GRIA4: variants seen among roughly 807,000 people sequenced by gnomAD.
GRIA4 encodes glutamate ionotropic receptor AMPA type subunit 4.
A neutral mutation model predicts 104.0 loss-of-function variants in GRIA4; 34 were observed. The ratio of observed to expected loss-of-function variants is 0.33; its 90% CI spans 0.25 to 0.44. The LOEUF is 0.44. GRIA4 is among the 20% of genes least tolerant of loss of function. The probability of loss-of-function intolerance (pLI) is 1.00; values close to 1 mark genes in which losing one functional copy is unlikely to be tolerated. For missense variants in GRIA4, 750 were observed against 1,096.5 expected, an observed-to-expected ratio of 0.68 and a Z score of 4.46; for synonymous variants, 386 against 381.9, an observed-to-expected ratio of 1.01 and a Z score of -0.13.
At chr11:105,849,827 C>G (rs549777181) in intron 4 of GRIA4, among the ~76,000 whole-genome samples, 1 of 152,102 alleles carries the variant, frequency 6.6e-6, no homozygotes. Context: ...TAAAAAACAA[C>G]CCTAGGATTC....
chr11:105,806,952 A>C (rs1457458171), intron 4 of GRIA4, among the ~76,000 whole-genome samples: 1 of 151,878 alleles, frequency 6.6e-6, no homozygotes, highest in Non-Finnish European at 1.5e-5. Context: ...AAGACAAAGG[A>C]AATATAGAAG....
chr11:105,667,979 C>G, intron 3 of GRIA4, among the ~76,000 whole-genome samples: 1 of 151,340 alleles, frequency 6.6e-6, no homozygotes, highest in East Asian at 1.9e-4. Context: ...AATCTTGTGC[C>G]CTTTGACTAA....
At chr11:105,839,884 C>A (rs1434623564) in intron 4 of GRIA4, among the ~76,000 whole-genome samples, 1 of 151,828 alleles carries the variant, frequency 6.6e-6, no homozygotes, top group Admixed American at 6.6e-5. Flanking sequence ...ATATTGTTAA[C>A]CATAATAAAC....
chr11:105,655,380 G>A (rs1335307828), intron 3 of GRIA4, among the ~76,000 whole-genome samples: 1 of 152,044 alleles, frequency 6.6e-6, no homozygotes, highest in East Asian at 1.9e-4. Context: ...GGATACATGT[G>A]CAGAATGTGC....
chr11:105,772,224 C>T (rs72983202), intron 4 of GRIA4, among the ~76,000 whole-genome samples: 1,695 of 152,214 alleles, frequency 0.011, 9 homozygotes, highest in Non-Finnish European at 0.018. Context: ...TTAGTGAATA[C>T]CATAAACCCT....
intron 10 of GRIA4, among the ~76,000 whole-genome samples, chr11:105,916,599 T>C (rs543583263): frequency 2.1e-4 from 32 of 152,330 alleles, no homozygotes; most frequent in Non-Finnish European, 3.8e-4. Context: ...AAATGTTTGA[T>C]TAAATAACAA....
chr11:105,861,724 T>C (rs968408346), intron 4 of GRIA4, among the ~76,000 whole-genome samples: 2 of 152,086 alleles, frequency 1.3e-5, no homozygotes, highest in Non-Finnish European at 2.9e-5. Context: ...GGTGGTGGAT[T>C]TGGTTTGGGG....
intron 3 of GRIA4, among the ~76,000 whole-genome samples, chr11:105,648,301 G>T (rs1174356870): frequency 1.3e-5 from 2 of 150,876 alleles, no homozygotes; most frequent in Admixed American, 1.3e-4. Context: ...TGGAGCAAAA[G>T]ATAGAAAATT....
intron 4 of GRIA4, among the ~76,000 whole-genome samples, chr11:105,815,631 C>G (rs1232383051): frequency 2.6e-5 from 4 of 151,642 alleles, no homozygotes; most frequent in Admixed American, 6.6e-5. Flanking sequence ...CTTTTAAATA[C>G]ACTGCCAAGT....
chr11:105,634,937 T>C (rs1269190017), intron 3 of GRIA4, among the ~76,000 whole-genome samples: 1 of 152,222 alleles, frequency 6.6e-6, no homozygotes, highest in African/African-American at 2.4e-5. Context: ...TTAGGGTGTG[T>C]AATTTGGGAG....
chr11:105,771,938 C>T (rs1941225795), intron 4 of GRIA4, among the ~76,000 whole-genome samples: 1 of 152,046 alleles, frequency 6.6e-6, no homozygotes, highest in Non-Finnish European at 1.5e-5. Context: ...CTTACACACA[C>T]ACAGACTGTA....
intron 3 of GRIA4, among the ~76,000 whole-genome samples, chr11:105,633,320 T>C (rs745781019): frequency 2.2e-4 from 34 of 152,364 alleles, no homozygotes; most frequent in Admixed American, 7.2e-4. Flanking sequence ...ATTTATTTTT[T>C]GTCAAATTCA....
chr11:105,687,398 A>C (rs1337783115), intron 3 of GRIA4, among the ~76,000 whole-genome samples: 3 of 152,182 alleles, frequency 2.0e-5, no homozygotes, highest in Non-Finnish European at 4.4e-5. Context: ...ATTCTACTGC[A>C]GTTATGCTAT....
chr11:105,745,035 G>A (rs906729022), intron 3 of GRIA4, among the ~76,000 whole-genome samples: 2 of 152,154 alleles, frequency 1.3e-5, no homozygotes, highest in Non-Finnish European at 2.9e-5. Context: ...TAAGTCCTAT[G>A]CTCTAATCTA....
At chr11:105,690,889 C>T (rs745812814) in intron 3 of GRIA4, among the ~76,000 whole-genome samples, 3 of 152,154 alleles carry the variant, frequency 2.0e-5, no homozygotes, top group Non-Finnish European at 2.9e-5. Flanking sequence ...AATATTTAAA[C>T]TCCATGAGTT....
chr11:105,795,780 C>T (rs1186177497), intron 4 of GRIA4, among the ~76,000 whole-genome samples: 1 of 151,980 alleles, frequency 6.6e-6, no homozygotes, highest in Admixed American at 6.6e-5. Context: ...GCTAGAACAT[C>T]GATGCTTATT....
intron 3 of GRIA4, among the ~76,000 whole-genome samples, chr11:105,733,613 C>T (rs778209841): frequency 3.9e-5 from 6 of 151,928 alleles, no homozygotes; most frequent in East Asian, 1.9e-4. Context: ...CCTGCCACCA[C>T]GACCAGCTAA....
chr11:105,675,628 T>C (rs765404590), intron 3 of GRIA4, among the ~76,000 whole-genome samples: 2 of 151,750 alleles, frequency 1.3e-5, no homozygotes, highest in Non-Finnish European at 3.0e-5. Context: ...TCATGAAACA[T>C]TGGAGGCATT....
At chr11:105,655,609 T>C (rs1011077075) in intron 3 of GRIA4, among the ~76,000 whole-genome samples, 2 of 152,144 alleles carry the variant, frequency 1.3e-5, no homozygotes, top group African/African-American at 2.4e-5. Context: ...CTGTGTTAGT[T>C]TGCTGAGAAT....
Sources: gnomAD v4.1 joint callset for allele counts (sites outside exome capture counted in the v4.1 genomes callset) on GRCh38, gnomAD v4.1.1 for gene constraint, MANE v1.5 for transcripts, NCBI Gene and HGNC (gene_info 2026-07-23, HGNC 2026-07-21) for gene names.